BOLL: variants seen among roughly 807,000 people sequenced by gnomAD.
BOLL encodes the protein protein boule-like.
BOLL carries 23 observed loss-of-function variants against 44.4 expected under a neutral mutation model. That is an observed-to-expected ratio of 0.52 (90% CI 0.37 to 0.73). The LOEUF is 0.73. BOLL is among the 30% of genes least tolerant of loss of function. The pLI is 0.00. For missense variants in BOLL, 287 were observed against 338.3 expected, an observed-to-expected ratio of 0.85 and a Z score of 1.19; for synonymous variants, 97 against 110.8, an observed-to-expected ratio of 0.88 and a Z score of 0.78.
At chr2:197,780,990 G>A (rs1014543625) in intron 2 of BOLL, among the ~76,000 whole-genome samples, 1 of 152,004 alleles carries the variant, frequency 6.6e-6, no homozygotes, top group African/African-American at 2.4e-5. Flanking sequence ...TCTTGAAACA[G>A]TGGAATGGCT....
chr2:197,756,672 T>A lies in BOLL; in HGVS notation c.601-116A>T, dbSNP rs1265618196. The A allele has an allele frequency of 1.1e-5, 11 of 980,588 alleles. No homozygotes were observed. In the East Asian group the frequency reaches 1.2e-4, roughly 11 times the overall value. 60.7% of individuals were successfully genotyped at this position (980,588 alleles called of 1,614,324 possible). A position where few individuals can be genotyped will look rare whatever the true frequency, so the allele number is the denominator to read the frequency against. ...TTTTTTATTTTACTAAATTTTTTTT[T>A]AGGAATAGCACAGAAGTATCTCAGC... On this transcript the variant is annotated intron_variant, in intron 8 of 10. Transcript: ENST00000392296.
Position 197,778,957 on chromosome 2 carries a change from A to C in BOLL, c.221+18T>G. ...AATAGAGTTGCTAATTCCATAGACA[A>C]TCTATAGTGATACTAACCCTTTGGA... On this transcript the variant is annotated intron_variant, in intron 3 of 10. Transcript: ENST00000392296. 1 of 1,588,176 alleles carries C rather than the reference A, an allele frequency of 6.3e-7. No individual in the cohort carries two copies. The highest frequency in any genetic ancestry group is 8.6e-7 in the Non-Finnish European group (1 of 1,161,360).
intron 10 of BOLL, among the ~76,000 whole-genome samples, chr2:197,729,296 C>T (rs1687017462): frequency 6.6e-6 from 1 of 152,250 alleles, no homozygotes; most frequent in Admixed American, 6.5e-5. Context: ...ATATCTCGCA[C>T]CTGGCTCGGA....
At chr2:197,733,980 A>G (rs1687346117) in intron 10 of BOLL, among the ~76,000 whole-genome samples, 1 of 151,984 alleles carries the variant, frequency 6.6e-6, no homozygotes, top group Non-Finnish European at 1.5e-5. Flanking sequence ...ATTAAACTCA[A>G]GAGCTTCTGC....
intron 10 of BOLL, among the ~76,000 whole-genome samples, chr2:197,733,881 C>A (rs948642773): frequency 3.3e-5 from 5 of 152,084 alleles, no homozygotes; most frequent in African/African-American, 1.2e-4. Flanking sequence ...CTAGGCAATA[C>A]CATTCAAGAC....
At chr2:197,756,587 A>G in intron 8 of BOLL, 31 bp from the exon 9 acceptor site, 1 of 1,556,444 alleles carries the variant, frequency 6.4e-7, no homozygotes, top group Non-Finnish European at 8.7e-7. Context: ...TCTAATTCAA[A>G]TATGATTAGT....
intron 9 of BOLL, among the ~76,000 whole-genome samples, chr2:197,748,484 C>T (rs551121265): frequency 1.3e-5 from 2 of 152,340 alleles, no homozygotes; most frequent in East Asian, 1.9e-4. Flanking sequence ...GACCCACTGG[C>T]TTGAAATTCT....
intron 9 of BOLL, chr2:197,755,783 A>G (rs1003719016): frequency 6.6e-6 from 1 of 152,248 alleles, no homozygotes; most frequent in South Asian, 2.1e-4. Flanking sequence ...TAGCTAATGC[A>G]TGCCAGGCTT....
chr2:197,784,636 G>T, intron 1 of BOLL: 1 of 792,648 alleles, frequency 1.3e-6, no homozygotes, highest in Non-Finnish European at 1.5e-6. Flanking sequence ...CACCATTTTG[G>T]CCAGGATGGT....
At chr2:197,742,257 G>A (rs1299762062) in intron 10 of BOLL, among the ~76,000 whole-genome samples, 3 of 152,126 alleles carry the variant, frequency 2.0e-5, no homozygotes, top group Admixed American at 1.3e-4. Context: ...TCAGTGTGGC[G>A]ATTCCTCAGG....
chr2:197,760,418 A>G (rs1048228183), intron 7 of BOLL, among the ~76,000 whole-genome samples: 6 of 152,080 alleles, frequency 3.9e-5, no homozygotes, highest in Admixed American at 3.9e-4. Context: ...CAGGCCAGCG[A>G]AGGAGCCATG....
Position 197,765,623 on chromosome 2 carries a change from T to TAA in BOLL, c.552+907_552+908dup, listed in dbSNP as rs575441120. 4.6e-4 allele frequency among the ~76,000 whole-genome samples: 68 copies of TAA among 148,220 alleles called. 2 individuals carry two copies. The South Asian group carries it at 0.01, about 22-fold the overall frequency. ...TTATCATTTGTCAATGAAAAAAAAT[T>TAA]AAAAAAAAAACACTACCAAGGATTA... On this transcript the variant is annotated intron_variant, in intron 7 of 10. Coordinates refer to ENST00000392296, the MANE Select transcript of BOLL (RefSeq NM_033030.6).
chr2:197,766,087 A>G (rs1334060862), intron 7 of BOLL, among the ~76,000 whole-genome samples: 1 of 151,950 alleles, frequency 6.6e-6, no homozygotes, highest in Non-Finnish European at 1.5e-5. Context: ...TTCTTTATCC[A>G]TCTGTCATTG....
chr2:197,733,704 A>C (rs1687326629), intron 10 of BOLL, among the ~76,000 whole-genome samples: 1 of 152,172 alleles, frequency 6.6e-6, no homozygotes, highest in African/African-American at 2.4e-5. Context: ...AAAAACAAGC[A>C]ATGGGGAAAG....
rs527853866 is a variant in BOLL at position 197,757,473 on chromosome 2, A to C, written c.553-73T>G. 12 of 1,349,766 alleles carry C rather than the reference A, an allele frequency of 8.9e-6. No individual in the cohort carries two copies. In the East Asian group the frequency reaches 2.8e-4, roughly 31 times the overall value. 83.6% of individuals were successfully genotyped at this position (1,349,766 alleles called of 1,614,324 possible). On this transcript the variant is annotated intron_variant, in intron 7 of 10. Coordinates refer to ENST00000392296, the MANE Select transcript of BOLL (RefSeq NM_033030.6). The stretch of plus-strand genomic sequence containing the variant: ...GGGTTAAAACTAGATATCTACAGGC[A>C]AAAATATGAAGTTGGACCCTCACAC...
At chr2:197,750,411 G>A (rs954977734) in intron 9 of BOLL, among the ~76,000 whole-genome samples, 2 of 152,228 alleles carry the variant, frequency 1.3e-5, no homozygotes, top group Non-Finnish European at 1.5e-5. Context: ...CATCTCATGT[G>A]CAAAGACACA....
chr2:197,735,438 A>T (rs889294911), intron 10 of BOLL, among the ~76,000 whole-genome samples: 1 of 151,884 alleles, frequency 6.6e-6, no homozygotes, highest in African/African-American at 2.4e-5. Context: ...ATTATTATTC[A>T]CCTCAGTCTT....
intron 9 of BOLL, among the ~76,000 whole-genome samples, chr2:197,746,024 C>G (rs1687973029): frequency 6.6e-6 from 1 of 152,174 alleles, no homozygotes; most frequent in African/African-American, 2.4e-5. Context: ...TGTCTACTAT[C>G]TAGCCTTTTA....
chr2:197,746,169 G>A (rs1687978612), intron 9 of BOLL, among the ~76,000 whole-genome samples: 1 of 152,166 alleles, frequency 6.6e-6, no homozygotes, highest in Non-Finnish European at 1.5e-5. Flanking sequence ...AGGATGTGGA[G>A]GAAAGGGAAT....
Sources: allele counts gnomAD v4.1 joint callset (sites outside exome capture counted in the v4.1 genomes callset), GRCh38; gene constraint gnomAD v4.1.1; transcripts MANE v1.5; gene names NCBI Gene and HGNC (gene_info 2026-07-23, HGNC 2026-07-21).